The following DAB2IP variants were observed in gnomAD, a reference collection of about 807,000 sequenced individuals.
DAB2IP encodes DAB2 interacting protein.
DAB2IP carries 28 observed loss-of-function variants against 107.2 expected under a neutral mutation model. The observed-to-expected ratio is 0.26, with a 90% CI of 0.19 to 0.36. The LOEUF (loss-of-function observed/expected upper bound fraction) is 0.36, where lower values mean the gene tolerates loss of function less well. Among genes scored for constraint, DAB2IP ranks in the 10% least tolerant of loss-of-function variants. The probability of loss-of-function intolerance (pLI) is 1.00; values close to 1 mark genes in which losing one functional copy is unlikely to be tolerated. For synonymous variants in DAB2IP, 755 were observed against 706.4 expected, an observed-to-expected ratio of 1.07 and a Z score of -1.09; for missense variants, 1,400 against 1,644.7, an observed-to-expected ratio of 0.85 and a Z score of 2.57.
intron 1 of DAB2IP, among the ~76,000 whole-genome samples, chr9:121,595,443 A>ACAAG (rs983802979): frequency 6.6e-6 from 1 of 151,486 alleles, no homozygotes. Flanking sequence ...AAACAAACAA[A>ACAAG]CAAACAAAAA....
chr9:121,770,687 G>A (rs1834656876), exon 11 of DAB2IP: 1 of 1,614,200 alleles, frequency 6.2e-7, no homozygotes, highest in Non-Finnish European at 8.5e-7. Flanking sequence ...CATCTCAGCT[G>A]GGCTGCAGAA....
chr9:121,694,453 TATC>T (rs1829319800), intron 2 of DAB2IP, among the ~76,000 whole-genome samples: 1 of 152,114 alleles, frequency 6.6e-6, no homozygotes, highest in African/African-American at 2.4e-5. Context: ...GCTGGTAATA[TATC>T]ATCATCATCA....
chr9:121,606,363 C>CAATAATAATAAT (rs149009372), intron 1 of DAB2IP, among the ~76,000 whole-genome samples: 7 of 151,036 alleles, frequency 4.6e-5, no homozygotes, highest in Admixed American at 1.3e-4. Context: ...GATTCTGTCT[C>CAATAATAATAAT]AATAATAATA....
At chr9:121,741,270 G>T (rs897569679) in intron 3 of DAB2IP, among the ~76,000 whole-genome samples, 1 of 152,230 alleles carries the variant, frequency 6.6e-6, no homozygotes, top group Non-Finnish European at 1.5e-5. Context: ...CAACAGGCGT[G>T]TAGGGTGGCC....
intron 11 of DAB2IP, among the ~76,000 whole-genome samples, chr9:121,771,914 C>T (rs771055029): frequency 4.8e-4 from 73 of 152,172 alleles, no homozygotes; most frequent in Admixed American, 9.2e-4. Context: ...CCCTGGACCC[C>T]GCCACAGTTG....
At chr9:121,682,712 T>G (rs1335532490) in intron 2 of DAB2IP, among the ~76,000 whole-genome samples, 1 of 152,056 alleles carries the variant, frequency 6.6e-6, no homozygotes, top group Non-Finnish European at 1.5e-5. Flanking sequence ...CATAAATAGG[T>G]GCTTAAATGT....
chr9:121,641,967 TC>T (rs1362467080), intron 1 of DAB2IP, among the ~76,000 whole-genome samples: 11 of 135,932 alleles, frequency 8.1e-5, no homozygotes, highest in East Asian at 2.2e-4. Context: ...TCTTTCTCTC[TC>T]TCTCTTTCTT....
chr9:121,589,520 G>A (rs1170175107), intron 1 of DAB2IP, among the ~76,000 whole-genome samples: 2 of 152,084 alleles, frequency 1.3e-5, no homozygotes, highest in Non-Finnish European at 2.9e-5. Flanking sequence ...CCCAAGGCTG[G>A]TAGCAGAGCC....
intron 1 of DAB2IP, among the ~76,000 whole-genome samples, chr9:121,581,914 G>A (rs1360631534): frequency 6.6e-6 from 1 of 152,226 alleles, no homozygotes; most frequent in Non-Finnish European, 1.5e-5. Context: ...TCCTTCAGCT[G>A]ACCCCGGGCT....
chr9:121,720,416 T>A (rs34761090), intron 3 of DAB2IP, among the ~76,000 whole-genome samples: 6,241 of 152,280 alleles, frequency 0.041, 260 homozygotes, highest in African/African-American at 0.096. Flanking sequence ...AATAATTAAC[T>A]TCGGCATGGC....
chr9:121,761,647 C>A (rs1035848109), intron 6 of DAB2IP, among the ~76,000 whole-genome samples: 12 of 152,172 alleles, frequency 7.9e-5, no homozygotes, highest in Admixed American at 7.8e-4. Flanking sequence ...TCCCCATGGA[C>A]CCGCGATGGG....
At position 121,635,078 on chromosome 9, in the gene DAB2IP, G is replaced by A. The variant is rs537412210; in HGVS notation, c.41-43600G>A. Among the ~76,000 whole-genome samples the A allele has an allele frequency of 5.3e-5, 8 of 152,310 alleles. No individual in the cohort carries two copies. Among genetic ancestry groups the A allele is most frequent in the South Asian group, 4.1e-4 (2 of 4,828 alleles). On this transcript the variant is annotated intron_variant, in intron 1 of 16. Transcript: ENST00000259371. The surrounding 1 kb of genome is among the most constrained non-coding windows in gnomAD (Gnocchi z 4.3). ...TGCATGTGCGTGTATGTCTATGTGC[G>A]AAGGGGAAGCTTGGCAGAGGGTGGC...
chr9:121,716,704 C>T (rs60972855), intron 3 of DAB2IP, among the ~76,000 whole-genome samples: 184 of 152,294 alleles, frequency 1.2e-3, no homozygotes, highest in African/African-American at 4.2e-3. Flanking sequence ...CTCCTGCCTC[C>T]TTGGAGGCCA....
At chr9:121,594,194 C>T (rs1830478762) in intron 1 of DAB2IP, among the ~76,000 whole-genome samples, 1 of 151,506 alleles carries the variant, frequency 6.6e-6, no homozygotes, top group Admixed American at 6.6e-5. Context: ...TGCTCTAGGT[C>T]ACACAGCTGG....
intron 1 of DAB2IP, among the ~76,000 whole-genome samples, chr9:121,609,937 C>T (rs902354527): frequency 3.9e-5 from 6 of 152,200 alleles, no homozygotes; most frequent in Non-Finnish European, 4.4e-5. Flanking sequence ...TGCAGGTTCC[C>T]AGAGAGGGCT....
chr9:121,644,157 C>T (rs1472148652), intron 1 of DAB2IP, among the ~76,000 whole-genome samples: 2 of 144,984 alleles, frequency 1.4e-5, no homozygotes, highest in African/African-American at 2.6e-5. Context: ...GGCAACAGAG[C>T]GAGACCTTGT....
intron 1 of DAB2IP, among the ~76,000 whole-genome samples, chr9:121,574,738 T>G (rs1010661586): frequency 5.3e-5 from 8 of 152,138 alleles, no homozygotes; most frequent in South Asian, 2.1e-4. Flanking sequence ...CCCCACTGGG[T>G]CTCCTGGCCC....
intron 1 of DAB2IP, among the ~76,000 whole-genome samples, chr9:121,577,511 G>A (rs1033098030): frequency 1.3e-5 from 2 of 152,232 alleles, no homozygotes; most frequent in Admixed American, 6.5e-5. Context: ...GCCCGTGAGT[G>A]AGCACGTGAG....
At chr9:121,691,447 A>C (rs993854854) in intron 2 of DAB2IP, among the ~76,000 whole-genome samples, 2 of 151,854 alleles carry the variant, frequency 1.3e-5, no homozygotes, top group Admixed American at 6.6e-5. Context: ...TCTGGTGGTC[A>C]AAGGAAGTGA....
Sources: allele counts gnomAD v4.1 joint callset (sites outside exome capture counted in the v4.1 genomes callset), GRCh38; gene constraint gnomAD v4.1.1; non-coding constraint Gnocchi (gnomAD v3.1); transcripts MANE v1.5; gene names NCBI Gene and HGNC (gene_info 2026-07-23, HGNC 2026-07-21).